Variants in NECAB1 observed in about 807,000 individuals in gnomAD.
NECAB1 encodes the protein N-terminal EF-hand calcium-binding protein 1.
A neutral mutation model predicts 57.5 loss-of-function variants in NECAB1; 29 were observed. That is an observed-to-expected ratio of 0.50 (90% CI 0.38 to 0.69). The LOEUF (loss-of-function observed/expected upper bound fraction) is 0.69, where lower values mean the gene tolerates loss of function less well. NECAB1 is among the 30% of genes least tolerant of loss of function. NECAB1 has a pLI of 0.00. For synonymous variants in NECAB1, 142 were observed against 147.7 expected (o/e 0.96, Z 0.28); for missense variants, 372 against 413.8 (o/e 0.90, Z 0.88).
intron 1 of NECAB1, among the ~76,000 whole-genome samples, chr8:90,799,792 C>T (rs975736342): frequency 6.6e-6 from 1 of 152,046 alleles, no homozygotes; most frequent in African/African-American, 2.4e-5. Context: ...ATTCAGGCTC[C>T]ATTTTGGTTC....
chr8:90,833,633 T>G, intron 3 of NECAB1, among the ~76,000 whole-genome samples: 1 of 152,174 alleles, frequency 6.6e-6, no homozygotes, highest in East Asian at 1.9e-4. Context: ...CTGAGGAAGC[T>G]AGATGAATGA....
intron 5 of NECAB1, among the ~76,000 whole-genome samples, chr8:90,889,397 A>C (rs1809094819): frequency 6.6e-6 from 1 of 152,228 alleles, no homozygotes; most frequent in Admixed American, 6.5e-5. Flanking sequence ...CCTCCTTGGC[A>C]TGAAGCTATT....
At chr8:90,833,443 A>C (rs1330494794) in intron 3 of NECAB1, among the ~76,000 whole-genome samples, 2 of 151,962 alleles carry the variant, frequency 1.3e-5, no homozygotes, top group African/African-American at 4.8e-5. Context: ...TCTGGGATAC[A>C]TGTGCAGAAT....
chr8:90,886,503 G>T (rs1402221284), intron 5 of NECAB1, among the ~76,000 whole-genome samples: 1 of 151,916 alleles, frequency 6.6e-6, no homozygotes. Context: ...TAAAAGTGCA[G>T]GTCTTCTCTG....
intron 5 of NECAB1, among the ~76,000 whole-genome samples, chr8:90,913,474 A>C (rs1006062358): frequency 2.0e-5 from 3 of 152,166 alleles, no homozygotes; most frequent in Non-Finnish European, 4.4e-5. Context: ...GCGTTTGAAA[A>C]AAAAAAGAAG....
chr8:90,839,869 A>C (rs1812428039), intron 3 of NECAB1, among the ~76,000 whole-genome samples: 1 of 152,178 alleles, frequency 6.6e-6, no homozygotes, highest in East Asian at 1.9e-4. Flanking sequence ...CCTGGGAGTG[A>C]CTGGATTAGG....
intron 5 of NECAB1, among the ~76,000 whole-genome samples, chr8:90,885,346 T>C (rs1014441553): frequency 5.3e-5 from 8 of 152,148 alleles, no homozygotes; most frequent in African/African-American, 1.9e-4. Flanking sequence ...TTTCTAGCCA[T>C]TGCTGCAGCC....
At chr8:90,880,671 G>T (rs900428207) in intron 4 of NECAB1, among the ~76,000 whole-genome samples, 1 of 152,042 alleles carries the variant, frequency 6.6e-6, no homozygotes, top group African/African-American at 2.4e-5. Context: ...ACAATAAAAT[G>T]TAACTTAACT....
At chr8:90,916,102 A>T (rs1809944785) in intron 5 of NECAB1, among the ~76,000 whole-genome samples, 1 of 152,198 alleles carries the variant, frequency 6.6e-6, no homozygotes, top group Non-Finnish European at 1.5e-5. Context: ...AATCCAATCA[A>T]GTTTACACTC....
At chr8:90,807,079 A>G (rs563651116) in intron 2 of NECAB1, among the ~76,000 whole-genome samples, 91 of 152,248 alleles carry the variant, frequency 6.0e-4, no homozygotes, top group African/African-American at 2.1e-3. Context: ...TAGAGCCTGA[A>G]TTTGTATACA....
chr8:90,849,558 A>C (rs187204666), intron 3 of NECAB1, among the ~76,000 whole-genome samples: 98 of 150,640 alleles, frequency 6.5e-4, no homozygotes, highest in African/African-American at 2.4e-3. Context: ...CTATATGCCA[A>C]ACTGTCCAGA....
intron 3 of NECAB1, among the ~76,000 whole-genome samples, chr8:90,851,346 A>T (rs949075843): frequency 6.6e-6 from 1 of 152,154 alleles, no homozygotes. Context: ...TCCGGACAGG[A>T]CAGAAGTTGT....
rs1423402826 is a variant in NECAB1 at position 90,956,889 on chromosome 8, T to C, written c.*1377T>C. ...CAGTATAAATAAAATTTTAAAATCC[T>C]TTCATAGTTCTATTAGAAATAAGTA... On this transcript the variant is annotated 3_prime_UTR_variant, in exon 13 of 13. Transcript: ENST00000417640. 2.0e-5 allele frequency: 3 copies of C among 152,306 alleles called. No homozygotes were observed. The highest frequency in any genetic ancestry group is 4.4e-5 in the Non-Finnish European group (3 of 67,918). The allele number at this position is 152,306 out of a possible 1,614,324, so 9.4% of individuals were successfully genotyped here.
intron 5 of NECAB1, among the ~76,000 whole-genome samples, chr8:90,888,400 T>C (rs571394332): frequency 3.9e-5 from 6 of 152,332 alleles, no homozygotes; most frequent in Non-Finnish European, 8.8e-5. Flanking sequence ...GAGAAGTTAA[T>C]GCAGACATTC....
intron 6 of NECAB1, among the ~76,000 whole-genome samples, chr8:90,921,447 T>C (rs979249673): frequency 3.3e-5 from 5 of 151,894 alleles, no homozygotes; most frequent in African/African-American, 9.7e-5. Context: ...GGCAGGTGGA[T>C]CACCTGAGGT....
rs113257653 is a variant in NECAB1, at chr8:90,848,661, C to G, written c.234-23467C>G. 1.6e-3 allele frequency among the ~76,000 whole-genome samples: 250 copies of G among 152,302 alleles called. 1 individual carries two copies. Among genetic ancestry groups the G allele is most frequent in the East Asian group, 5.2e-3 (27 of 5,178 alleles). On this transcript the variant is annotated intron_variant, in intron 3 of 12. Coordinates refer to ENST00000417640, the MANE Select transcript of NECAB1 (RefSeq NM_022351.5). ...ACTTCTTACATGGTAGCAGGCAAGA[C>G]AGCTTGTGCAGGGAACTGCCCTTTA...
At chr8:90,912,865 C>T (rs1444725480) in intron 5 of NECAB1, among the ~76,000 whole-genome samples, 1 of 152,098 alleles carries the variant, frequency 6.6e-6, no homozygotes, top group Non-Finnish European at 1.5e-5. Context: ...AAAAGACAAC[C>T]TTATCTTTGT....
chr8:90,958,885 A>C lies in NECAB1; in HGVS notation c.*3373A>C, dbSNP rs1347286645. The stretch of plus-strand genomic sequence containing the variant: ...AATAGCTCTTTCTCATTTTTAGAGA[A>C]GTCAAATAGCCAACCATCAAAATTA... On this transcript the variant is annotated 3_prime_UTR_variant, in exon 13 of 13. Coordinates refer to ENST00000417640, the MANE Select transcript of NECAB1 (RefSeq NM_022351.5). The C allele has an allele frequency of 5.0e-6, 3 of 600,704 alleles. No individual in the cohort carries two copies. The highest frequency in any genetic ancestry group is 5.6e-6 in the Non-Finnish European group (2 of 358,270). 37.2% of individuals were successfully genotyped at this position (600,704 alleles called of 1,614,324 possible).
In NECAB1 at chr8:90,917,714, A is replaced by C. The variant is rs1480781667; in HGVS notation, c.494+86A>C. ...TGAGAGGCATTGTACTTACACTAGC[A>C]AAAACTAAAAAAGAGAATTGATATA... is the stretch of plus-strand genomic sequence containing the variant. On this transcript the variant is annotated intron_variant, in intron 6 of 12. Transcript: ENST00000417640. 5 of 1,267,044 alleles carry C rather than the reference A, an allele frequency of 3.9e-6. No individual in the cohort carries two copies. In the African/African-American group the frequency reaches 7.5e-5, roughly 19 times the overall value. 78.5% of individuals were successfully genotyped at this position (1,267,044 alleles called of 1,614,324 possible). A position where few individuals can be genotyped will look rare whatever the true frequency, so the allele number is the denominator to read the frequency against.
Sources: gnomAD v4.1 joint callset for allele counts (sites outside exome capture counted in the v4.1 genomes callset) on GRCh38, gnomAD v4.1.1 for gene constraint, MANE v1.5 for transcripts, NCBI Gene and HGNC (gene_info 2026-07-23, HGNC 2026-07-21) for gene names.